The following LAMA2 variants were observed in gnomAD, a reference collection of about 807,000 sequenced individuals.
The protein encoded by LAMA2 is laminin subunit alpha-2.
Under a neutral mutation model 364.8 loss-of-function variants are expected in LAMA2, and 269 were observed. The observed-to-expected ratio is 0.74, with a 90% confidence interval of 0.67 to 0.82. The LOEUF (loss-of-function observed/expected upper bound fraction) is 0.82, where lower values mean the gene tolerates loss of function less well. LAMA2 is among the 40% of genes least tolerant of loss of function. The pLI, the probability that LAMA2 is intolerant of heterozygous loss-of-function variation, is 0.00. For missense variants in LAMA2, 3,807 were observed against 3,873.2 expected (o/e 0.98, Z 0.45); for synonymous variants, 1,379 against 1,370.6 (o/e 1.01, Z -0.14).
intron 59 of LAMA2, among the ~76,000 whole-genome samples, 157 bp downstream of exon 59, chr6:129,502,928 C>A (rs1583911735): frequency 6.6e-6 from 1 of 152,174 alleles, no homozygotes; most frequent in Non-Finnish European, 1.5e-5. Context: ...TTTGTCTGAG[C>A]CTGAGGAGCC....
intron 17 of LAMA2, among the ~76,000 whole-genome samples, chr6:129,272,707 C>G (rs1187722317): frequency 2.6e-5 from 4 of 152,092 alleles, no homozygotes; most frequent in Non-Finnish European, 5.9e-5. Context: ...CTGTTAGGAA[C>G]CGGGCTGCCT....
chr6:129,107,339 T>C (rs562934123), intron 4 of LAMA2, among the ~76,000 whole-genome samples: 3 of 152,250 alleles, frequency 2.0e-5, no homozygotes, highest in South Asian at 4.1e-4. Context: ...CAAGGTTCAG[T>C]AGCTAACATT....
intron 1 of LAMA2, among the ~76,000 whole-genome samples, chr6:129,048,465 TTTCTTTCTTTC>T (rs1787702408): frequency 4.7e-5 from 2 of 42,768 alleles, no homozygotes; most frequent in South Asian, 1.8e-3. Context: ...TCTTTCTTTC[TTTCTTTCTTTC>T]TTTCTTTCTT....
chr6:129,193,531 C>T (rs1781661996), intron 12 of LAMA2, among the ~76,000 whole-genome samples: 1 of 152,064 alleles, frequency 6.6e-6, no homozygotes, highest in Non-Finnish European at 1.5e-5. Flanking sequence ...AGATAGATAT[C>T]CTGGGGTTTA....
chr6:129,161,095 T>C (rs1290873297), intron 8 of LAMA2, among the ~76,000 whole-genome samples: 2 of 152,086 alleles, frequency 1.3e-5, no homozygotes, highest in African/African-American at 2.4e-5. Flanking sequence ...TTTGAATCTT[T>C]AGATTTTTAT....
intron 4 of LAMA2, among the ~76,000 whole-genome samples, chr6:129,138,922 G>A (rs1777959795): frequency 6.6e-6 from 1 of 152,018 alleles, no homozygotes; most frequent in Non-Finnish European, 1.5e-5. Context: ...GCACTGAAGG[G>A]GATTGAGAAG....
intron 1 of LAMA2, among the ~76,000 whole-genome samples, chr6:128,918,519 G>A (rs975383285): frequency 1.1e-4 from 17 of 152,106 alleles, no homozygotes; most frequent in East Asian, 5.8e-4. Context: ...TGAATTTTTC[G>A]TCTTCTACTC....
chr6:129,342,329 CT>C lies in LAMA2; in HGVS notation c.4312-10del. ...TAAATTAAAAACAAACTTCTTCTCC[CT>C]TTTCCTTTACAGAATTGTCAACATC... is the stretch of plus-strand genomic sequence containing the variant. On this transcript the variant is annotated splice_polypyrimidine_tract_variant and intron_variant, in intron 29 of 64. Transcript: ENST00000421865. The C allele has an allele frequency of 6.2e-7, 1 of 1,611,034 alleles. No individual in the cohort carries two copies. Among genetic ancestry groups the C allele is most frequent in the Non-Finnish European group, 8.5e-7 (1 of 1,177,804 alleles).
intron 37 of LAMA2, among the ~76,000 whole-genome samples, chr6:129,394,995 G>A (rs1241736853): frequency 6.6e-6 from 1 of 151,968 alleles, no homozygotes; most frequent in Admixed American, 6.6e-5. Context: ...TATGAATAAG[G>A]CATAGATTAT....
chr6:129,427,823 C>G lies in LAMA2; in HGVS notation c.5937C>G (p.Asn1979Lys), dbSNP rs747714599. The change falls in exon 41 of 65, where the codon AAC (asparagine) becomes AAG (lysine). Residue 1979 changes from asparagine to lysine, a missense_variant. Physicochemically the swap from Asn to Lys is moderately conservative, Grantham distance 94. Coordinates refer to ENST00000421865, the MANE Select transcript of LAMA2 (RefSeq NM_000426.4). ...GCLQKSFRILNEAKKLANDVK... is the reference protein window; with the variant it reads ...GCLQKSFRILKEAKKLANDVK... ...TTCAGAAAAGCTTCAGGATTCTTAA[C>G]GAAGCCAAGAAGTTAGCAAATGATG... The G allele has an allele frequency of 1.7e-5, 28 of 1,613,268 alleles. No homozygotes were observed. The highest frequency in any genetic ancestry group is 2.2e-5 in the Non-Finnish European group (26 of 1,179,472).
At chr6:129,220,586 T>G (rs1583279093) in intron 12 of LAMA2, among the ~76,000 whole-genome samples, 2 of 152,238 alleles carry the variant, frequency 1.3e-5, no homozygotes, top group East Asian at 3.8e-4. Flanking sequence ...ATCTAACTTA[T>G]TTTTAAAGTC....
intron 12 of LAMA2, among the ~76,000 whole-genome samples, chr6:129,197,559 A>T (rs190132711): frequency 6.6e-6 from 1 of 152,296 alleles, no homozygotes; most frequent in Admixed American, 6.5e-5. Context: ...TTTGCCTGCA[A>T]CTTTCGTCTC....
intron 2 of LAMA2, among the ~76,000 whole-genome samples, chr6:129,056,971 G>C (rs887344610): frequency 6.6e-6 from 1 of 151,470 alleles, no homozygotes; most frequent in African/African-American, 2.4e-5. Flanking sequence ...GACCTCAGGT[G>C]ATCTGCCCAC....
chr6:129,375,810 A>T (rs1314113417), intron 34 of LAMA2, among the ~76,000 whole-genome samples: 2 of 152,172 alleles, frequency 1.3e-5, no homozygotes, highest in African/African-American at 2.4e-5. Context: ...CTTACTATGG[A>T]TTGGACATCT....
intron 2 of LAMA2, among the ~76,000 whole-genome samples, chr6:129,052,945 CA>C (rs1788188068): frequency 6.6e-6 from 1 of 151,974 alleles, no homozygotes; most frequent in African/African-American, 2.4e-5. Context: ...CAGCAATTGA[CA>C]CTTGTTTGAT....
chr6:129,106,184 G>A (rs1775812117), intron 4 of LAMA2, among the ~76,000 whole-genome samples: 1 of 150,940 alleles, frequency 6.6e-6, no homozygotes, highest in South Asian at 2.1e-4. Context: ...TGTATGTAGA[G>A]CTTTGATATT....
Position 129,253,631 on chromosome 6 carries a change from A to T in LAMA2, c.2096+1336A>T, listed in dbSNP as rs145418736. ...GAGGTTGTCATGATGTTTAAACAGT[A>T]CAAAGAAATGAGTCCTCCAGCTTTC... is the stretch of plus-strand genomic sequence containing the variant. On this transcript the variant is annotated intron_variant, in intron 14 of 64. Transcript: ENST00000421865. Among the ~76,000 whole-genome samples, 408 of 152,372 alleles carry T rather than the reference A, an allele frequency of 2.7e-3. 1 individual carries two copies. The highest frequency in any genetic ancestry group is 0.01 in the Middle Eastern group (3 of 294).
intron 12 of LAMA2, among the ~76,000 whole-genome samples, chr6:129,207,949 G>A (rs912515896): frequency 6.6e-6 from 1 of 152,218 alleles, no homozygotes; most frequent in African/African-American, 2.4e-5. Flanking sequence ...AATCTTGAGT[G>A]AGAGGGAACT....
At chr6:128,991,233 CT>C (rs1783590619) in intron 1 of LAMA2, among the ~76,000 whole-genome samples, 1 of 152,024 alleles carries the variant, frequency 6.6e-6, no homozygotes, top group African/African-American at 2.4e-5. Context: ...TTGCTTCCTC[CT>C]TTTTTTCCCC....
Sources: allele counts gnomAD v4.1 joint callset (sites outside exome capture counted in the v4.1 genomes callset), GRCh38; gene constraint gnomAD v4.1.1; transcripts MANE v1.5; gene names NCBI Gene and HGNC (gene_info 2026-07-23, HGNC 2026-07-21).